Variants in SSBP4 observed in about 807,000 individuals in gnomAD.
The protein encoded by SSBP4 is single stranded DNA binding protein 4, also known as single-stranded DNA-binding protein 4.
SSBP4 carries 33 observed loss-of-function variants against 64.6 expected under a neutral mutation model. The observed-to-expected ratio is 0.51, with a 90% confidence interval of 0.39 to 0.68. The LOEUF (loss-of-function observed/expected upper bound fraction) is 0.68. SSBP4 is among the 30% of genes least tolerant of loss of function. The pLI is 0.00. For missense variants in SSBP4, 583 were observed against 566.8 expected (o/e 1.03, Z -0.29); for synonymous variants, 243 against 224.0 (o/e 1.08, Z -0.76).
At chr19:18,418,872 C>A, upstream of SSBP4, 1 of 753,178 alleles carries the variant, frequency 1.3e-6, no homozygotes, top group Non-Finnish European at 1.6e-6. The surrounding 1 kb of genome is among the most constrained non-coding windows in gnomAD (Gnocchi z 6.7). Context: ...GTGCGGTGGC[C>A]TGTGTTTAGT....
chr19:18,432,667 T>A (rs1449984781), intron 11 of SSBP4, 33 bp from the exon 12 acceptor site: 2 of 1,558,636 alleles, frequency 1.3e-6, no homozygotes, highest in South Asian at 2.4e-5. Context: ...GTGAGCCGCC[T>A]GGCTGACTGC....
chr19:18,428,056 T>TGGGGGCCGGGGGGGGGGGGGGGGGGGGG, intron 4 of SSBP4, 74 bp downstream of exon 4: 1 of 444,260 alleles, frequency 2.3e-6, no homozygotes, highest in Non-Finnish European at 3.7e-6. Context: ...GGAGGTGGGG[T>TGGGGGCCGGGGGGGGGGGGGGGGGGGGG]GGGGGGCTGC....
intron 4 of SSBP4, among the ~76,000 whole-genome samples, chr19:18,428,802 G>A (rs1024999114): frequency 5.9e-5 from 9 of 152,310 alleles, no homozygotes; most frequent in African/African-American, 1.9e-4. Flanking sequence ...AGCTGGGCAG[G>A]CTGAAGCCCT....
At chr19:18,416,737 C>A (rs1193991875), upstream of SSBP4, among the ~76,000 whole-genome samples, 1 of 152,224 alleles carries the variant, frequency 6.6e-6, no homozygotes, top group Non-Finnish European at 1.5e-5. Flanking sequence ...ACAGTCTGAA[C>A]ATTCCACTTC....
In SSBP4 at chr19:18,423,009, A is replaced by C. The variant is rs1362623748; in HGVS notation, c.59+3302A>C. Among the ~76,000 whole-genome samples, 1 of 152,162 alleles carries C rather than the reference A, an allele frequency of 6.6e-6. No homozygotes were observed. The highest frequency in any genetic ancestry group is 1.5e-5 in the Non-Finnish European group (1 of 68,020). ...CTCGGCCAGCTGGCTCCAGAAAGGG[A>C]CCGAGCACCTGGTGGGTGCCTGCCC... On this transcript the variant is annotated intron_variant, in intron 1 of 17. Coordinates refer to ENST00000270061, the MANE Select transcript of SSBP4 (RefSeq NM_032627.5). This position sits in a 1 kb window ranked among gnomAD's most constrained non-coding sequence, Gnocchi z 4.0.
intron 1 of SSBP4, among the ~76,000 whole-genome samples, 180 bp downstream of exon 1, chr19:18,419,887 G>A (rs575396508): frequency 1.2e-3 from 167 of 141,830 alleles, no homozygotes; most frequent in Middle Eastern, 3.6e-3. Context: ...TTGGCGGGGG[G>A]CGCGCGAGAC....
the SSBP4 span, among the ~76,000 whole-genome samples, chr19:18,412,225 G>T: frequency 3.3e-5 from 5 of 152,136 alleles, no homozygotes; most frequent in South Asian, 1.0e-3. Flanking sequence ...CACTTTGGGA[G>T]GCTGAGGTGG....
At chr19:18,409,932 A>C in the SSBP4 span, among the ~76,000 whole-genome samples, 2 of 152,164 alleles carry the variant, frequency 1.3e-5, no homozygotes, top group Non-Finnish European at 2.9e-5. Flanking sequence ...CTCAGGTTCA[A>C]GCGATTCTCC....
In SSBP4 at chr19:18,425,492, C is replaced by T. The variant is rs539893882; in HGVS notation, c.60-1859C>T. Among the ~76,000 whole-genome samples, 6 of 152,318 alleles carry T rather than the reference C, an allele frequency of 3.9e-5. No individual in the cohort carries two copies. The South Asian group carries it at 8.3e-4, about 21-fold the overall frequency. On this transcript the variant is annotated intron_variant, in intron 1 of 17. Transcript: ENST00000270061. ...GCTCACCCTGGCCTTGTGTGCTCCC[C>T]TTCCACTGATGGACGCAGGCCTGTC...
At chr19:18,413,226 G>A in the SSBP4 span, among the ~76,000 whole-genome samples, 1 of 151,028 alleles carries the variant, frequency 6.6e-6, no homozygotes, top group Non-Finnish European at 1.5e-5. Flanking sequence ...GAGGGTGGGA[G>A]GTTGTAGGTT....
intron 17 of SSBP4, 155 bp downstream of exon 17, chr19:18,433,972 C>T (rs1054148168): frequency 3.5e-5 from 41 of 1,177,292 alleles, no homozygotes; most frequent in African/African-American, 2.1e-4. Flanking sequence ...TCTCCTCAAC[C>T]TCTCCCCACC....
chr19:18,425,064 C>T (rs984430867), intron 1 of SSBP4, among the ~76,000 whole-genome samples: 22 of 29,088 alleles, frequency 7.6e-4, no homozygotes, highest in African/African-American at 2.5e-3. Flanking sequence ...TAGCCGGGGG[C>T]GGGGGCTGGA....
rs778945918 is a variant in SSBP4, at chr19:18,431,431, G to T, written c.435+13G>T. 9 of 1,497,902 alleles carry T rather than the reference G, an allele frequency of 6.0e-6. No individual in the cohort carries two copies. Among genetic ancestry groups the T allele is most frequent in the Middle Eastern group, 3.8e-4 (2 of 5,292 alleles). 92.8% of individuals were successfully genotyped at this position (1,497,902 alleles called of 1,614,324 possible). On this transcript the variant is annotated intron_variant, in intron 6 of 17. Coordinates refer to ENST00000270061, the MANE Select transcript of SSBP4 (RefSeq NM_032627.5). ...GCCTCACGGTCAGGTAAGGAGCTGT[G>T]GTGCCTGCCCCTCACACACACACAT...
intron 1 of SSBP4, among the ~76,000 whole-genome samples, chr19:18,424,065 T>C (rs1291870377): frequency 1.3e-5 from 2 of 152,102 alleles, no homozygotes; most frequent in Non-Finnish European, 2.9e-5. Flanking sequence ...CCCAAAACAA[T>C]AACAACCCAC....
intron 17 of SSBP4, 70 bp downstream of exon 17, chr19:18,433,887 G>A (rs1379954093): frequency 7.8e-7 from 1 of 1,285,324 alleles, no homozygotes; most frequent in Non-Finnish European, 9.8e-7. Flanking sequence ...AGGCCCCGGC[G>A]GGGCGGCCGG....
At chr19:18,404,427 C>A in the SSBP4 span, among the ~76,000 whole-genome samples, 9 of 151,712 alleles carry the variant, frequency 5.9e-5, no homozygotes, top group Non-Finnish European at 1.0e-4. Context: ...AACCCCGCCT[C>A]TACTAAAAAT....
At chr19:18,419,172 G>A (rs960652281), upstream of SSBP4, 12 of 985,448 alleles carry the variant, frequency 1.2e-5, no homozygotes, top group Admixed American at 6.2e-5. Flanking sequence ...GTGTGTGCAC[G>A]CGCGCGTGTG....
rs1375527311 is a variant in SSBP4, at chr19:18,433,220, G to A, written c.991+7G>A. On this transcript the variant is annotated splice_region_variant and intron_variant, in intron 15 of 17. Transcript: ENST00000270061. ...CACGTGAACGGATCCCTGGGTGAGT[G>A]GGCGTCCCTGCTCCCGCCCACGTTG... 6.4e-7 allele frequency: 1 copy of A among 1,555,702 alleles called. No individual in the cohort carries two copies. The highest frequency in any genetic ancestry group is 1.2e-5 in the South Asian group (1 of 85,260).
chr19:18,421,988 C>T (rs534400175), intron 1 of SSBP4, among the ~76,000 whole-genome samples: 1 of 152,096 alleles, frequency 6.6e-6, no homozygotes, highest in Non-Finnish European at 1.5e-5. Context: ...TGATGAAACC[C>T]TGTCTCTACT....
Sources: allele counts gnomAD v4.1 joint callset (sites outside exome capture counted in the v4.1 genomes callset), GRCh38; gene constraint gnomAD v4.1.1; non-coding constraint Gnocchi (gnomAD v3.1); transcripts MANE v1.5; gene names NCBI Gene and HGNC (gene_info 2026-07-23, HGNC 2026-07-21).